Variants in FSTL4 observed in about 807,000 individuals in gnomAD.
The protein encoded by FSTL4 is follistatin like 4, also known as follistatin-related protein 4.
Under a neutral mutation model 78.2 loss-of-function variants are expected in FSTL4, and 28 were observed. That is an observed-to-expected ratio of 0.36 (90% CI 0.27 to 0.49). The LOEUF is 0.49. Ranked by LOEUF, FSTL4 falls within the 20% of genes least tolerant of loss-of-function variation. The pLI, the probability that FSTL4 is intolerant of heterozygous loss-of-function variation, is 0.98. For missense variants in FSTL4, 922 were observed against 1,084.9 expected (o/e 0.85, Z 2.11); for synonymous variants, 422 against 440.5 (o/e 0.96, Z 0.53).
intron 3 of FSTL4, among the ~76,000 whole-genome samples, chr5:133,499,140 GT>G (rs1758434571): frequency 6.6e-6 from 1 of 152,142 alleles, no homozygotes; most frequent in African/African-American, 2.4e-5. Flanking sequence ...TGCAGACTGA[GT>G]GAATAACAAT....
At chr5:133,690,890 C>T in the FSTL4 span, among the ~76,000 whole-genome samples, 1 of 152,186 alleles carries the variant, frequency 6.6e-6, no homozygotes, top group Non-Finnish European at 1.5e-5. Flanking sequence ...AAAGAACAAG[C>T]CCTCCTTTGC....
chr5:133,432,242 G>A (rs1371188070), intron 3 of FSTL4, among the ~76,000 whole-genome samples: 1 of 152,172 alleles, frequency 6.6e-6, no homozygotes, highest in African/African-American at 2.4e-5. Context: ...GGTAAATTTG[G>A]AATCCAGATG....
At position 133,400,971 on chromosome 5, in the gene FSTL4, T is replaced by C. The variant is rs779734282; in HGVS notation, c.176A>G (p.Asn59Ser). The C allele has an allele frequency of 5.0e-6, 8 of 1,612,992 alleles. No homozygotes were observed. In the African/African-American group the frequency reaches 6.7e-5, roughly 13 times the overall value. The stretch of plus-strand genomic sequence containing the variant: ...CTTCCCGCAGGAGGCCAGCAGCTCG[T>C]TGTGGCTGGAAAGCCCTGCCAGACA... ...VTRREGLSSHNELLASCGKKF... is the reference protein window; with the variant it reads ...VTRREGLSSHSELLASCGKKF... The change falls in exon 4 of 16, where the codon AAC (asparagine) becomes AGC (serine). Residue 59 changes from asparagine (N) to serine (S), a missense_variant. Asn to Ser is a conservative substitution (Grantham distance 46, BLOSUM62 1). Coordinates refer to ENST00000265342, the MANE Select transcript of FSTL4 (RefSeq NM_015082.2).
At chr5:133,415,232 T>C (rs1162880057) in intron 3 of FSTL4, among the ~76,000 whole-genome samples, 1 of 152,170 alleles carries the variant, frequency 6.6e-6, no homozygotes, top group Admixed American at 6.5e-5. Context: ...CTCTCATCTA[T>C]GTTGGTCAGG....
chr5:133,456,297 C>T (rs1010389178), intron 3 of FSTL4, among the ~76,000 whole-genome samples: 2 of 152,252 alleles, frequency 1.3e-5, no homozygotes, highest in Non-Finnish European at 2.9e-5. Context: ...GTGAAGCTGG[C>T]CGTCCTGAGA....
chr5:133,644,565 C>T, the FSTL4 span, among the ~76,000 whole-genome samples: 3 of 152,132 alleles, frequency 2.0e-5, no homozygotes, highest in Non-Finnish European at 4.4e-5. Flanking sequence ...ATGGTCCTGC[C>T]TGCTGACCTG....
At chr5:133,825,050 T>A in the FSTL4 span, among the ~76,000 whole-genome samples, 1 of 152,170 alleles carries the variant, frequency 6.6e-6, no homozygotes, top group African/African-American at 2.4e-5. Context: ...GTGGCAGAGA[T>A]GAAGAGGCTC....
rs879372274 is a variant in FSTL4 at position 133,335,683 on chromosome 5, G to GGT, written c.410-19032_410-19031insAC. Among the ~76,000 whole-genome samples the GGT allele has an allele frequency of 1.5e-3, 231 of 151,502 alleles. 1 individual carries two copies. The highest frequency in any genetic ancestry group is 2.5e-3 in the Non-Finnish European group (170 of 67,854). ...AACAGCTCTCCCCTCCCCTTTCTTG[G>GGT]GGGGGGTGGCAATCAGAGTCCAAAT... On this transcript the variant is annotated intron_variant, in intron 4 of 15. Transcript: ENST00000265342.
chr5:133,391,372 T>C (rs1314471970), intron 4 of FSTL4, among the ~76,000 whole-genome samples: 1 of 152,124 alleles, frequency 6.6e-6, no homozygotes, highest in Non-Finnish European at 1.5e-5. Context: ...TAGGGTCCAC[T>C]CACATGGATC....
At chr5:133,326,711 C>G (rs1188768554) in intron 4 of FSTL4, among the ~76,000 whole-genome samples, 2 of 152,234 alleles carry the variant, frequency 1.3e-5, no homozygotes, top group Non-Finnish European at 2.9e-5. Flanking sequence ...CCAAACCACA[C>G]ACTCTGGACC....
chr5:133,699,998 C>G, the FSTL4 span, among the ~76,000 whole-genome samples: 1 of 152,054 alleles, frequency 6.6e-6, no homozygotes, highest in Non-Finnish European at 1.5e-5. Flanking sequence ...AGACTCAACT[C>G]CAGACTTCTT....
At chr5:133,691,964 G>T in the FSTL4 span, among the ~76,000 whole-genome samples, 1 of 152,176 alleles carries the variant, frequency 6.6e-6, no homozygotes, top group Non-Finnish European at 1.5e-5. Context: ...CTACACTATA[G>T]ATAAAACAGA....
intron 3 of FSTL4, among the ~76,000 whole-genome samples, chr5:133,463,841 C>A (rs1033687320): frequency 6.7e-6 from 1 of 149,246 alleles, no homozygotes; most frequent in Non-Finnish European, 1.5e-5. Context: ...GTGCTGAGCA[C>A]CTGAAGGCAG....
At chr5:133,402,597 A>G (rs915439709) in intron 3 of FSTL4, among the ~76,000 whole-genome samples, 3 of 152,202 alleles carry the variant, frequency 2.0e-5, no homozygotes, top group Admixed American at 2.0e-4. Context: ...AAAGAAGAAA[A>G]AAAAAAGAAA....
intron 7 of FSTL4, among the ~76,000 whole-genome samples, chr5:133,240,185 A>G (rs1367386848): frequency 1.3e-5 from 2 of 152,202 alleles, no homozygotes; most frequent in Non-Finnish European, 2.9e-5. Context: ...GCATCCGAGC[A>G]TCAGAAGGAA....
intron 14 of FSTL4, among the ~76,000 whole-genome samples, chr5:133,206,796 A>G (rs1281892517): frequency 6.6e-6 from 1 of 151,458 alleles, no homozygotes; most frequent in Non-Finnish European, 1.5e-5. Flanking sequence ...GCTTTCTATT[A>G]ATTTTAGTCT....
At chr5:133,461,873 A>G (rs77561376) in intron 3 of FSTL4, among the ~76,000 whole-genome samples, 1 of 152,184 alleles carries the variant, frequency 6.6e-6, no homozygotes, top group Non-Finnish European at 1.5e-5. Flanking sequence ...TTTAAATAAG[A>G]AAATAACTAC....
the FSTL4 span, among the ~76,000 whole-genome samples, chr5:133,629,646 T>G: frequency 6.6e-6 from 1 of 152,212 alleles, no homozygotes; most frequent in Non-Finnish European, 1.5e-5. Flanking sequence ...ACTCATTTTA[T>G]GAGGACAGCA....
chr5:133,601,073 C>T (rs1476567457), intron 2 of FSTL4, among the ~76,000 whole-genome samples: 1 of 152,190 alleles, frequency 6.6e-6, no homozygotes, highest in African/African-American at 2.4e-5. Context: ...AGGATGCAAG[C>T]CTGTCCGGCC....
Sources: allele counts gnomAD v4.1 joint callset (sites outside exome capture counted in the v4.1 genomes callset), GRCh38; gene constraint gnomAD v4.1.1; transcripts MANE v1.5; gene names NCBI Gene and HGNC (gene_info 2026-07-23, HGNC 2026-07-21).